PTPRD: variants seen among roughly 807,000 people sequenced by gnomAD.
PTPRD encodes receptor-type tyrosine-protein phosphatase delta.
In PTPRD, 34 loss-of-function variants were observed where a neutral mutation model predicts 214.5. The observed-to-expected ratio is 0.16, with a 90% confidence interval of 0.12 to 0.21. The LOEUF (loss-of-function observed/expected upper bound fraction) is 0.21, where lower values mean the gene tolerates loss of function less well. Ranked by LOEUF, PTPRD falls within the 10% of genes least tolerant of loss-of-function variation. The pLI, the probability that PTPRD is intolerant of heterozygous loss-of-function variation, is 1.00. For synonymous variants in PTPRD, 1,128 were observed against 845.7 expected, an observed-to-expected ratio of 1.33 and a Z score of -5.79; for missense variants, 2,545 against 2,398.7, an observed-to-expected ratio of 1.06 and a Z score of -1.27.
chr9:9,771,171 T>C (rs1322246388), intron 5 of PTPRD, among the ~76,000 whole-genome samples: 1 of 152,178 alleles, frequency 6.6e-6, no homozygotes, highest in Non-Finnish European at 1.5e-5. Context: ...CCCACCTTTA[T>C]TAACTATTAG....
At chr9:9,437,669 A>T (rs2085866753) in intron 8 of PTPRD, among the ~76,000 whole-genome samples, 1 of 152,144 alleles carries the variant, frequency 6.6e-6, no homozygotes, top group African/African-American at 2.4e-5. Context: ...CACATTAAAG[A>T]TAAACAGATT....
intron 11 of PTPRD, among the ~76,000 whole-genome samples, chr9:8,781,923 T>C (rs985018933): frequency 2.0e-5 from 3 of 152,150 alleles, no homozygotes; most frequent in African/African-American, 4.8e-5. Context: ...TAAGACATTC[T>C]AGTAAATCAA....
intron 10 of PTPRD, among the ~76,000 whole-genome samples, chr9:9,163,079 T>A (rs2099893638): frequency 6.6e-6 from 1 of 152,122 alleles, no homozygotes. Flanking sequence ...AAAATATTGA[T>A]GACCTTCAAG....
chr9:9,438,092 G>A (rs2086056659), intron 8 of PTPRD, among the ~76,000 whole-genome samples: 1 of 152,040 alleles, frequency 6.6e-6, no homozygotes, highest in Admixed American at 6.6e-5. Flanking sequence ...GTATCCTAAT[G>A]TCCTCTTCTC....
intron 5 of PTPRD, among the ~76,000 whole-genome samples, chr9:9,787,759 T>C (rs1386286879): frequency 6.9e-6 from 1 of 145,882 alleles, no homozygotes. Flanking sequence ...GAACAACGTA[T>C]ATCAATTTTT....
At chr9:9,410,481 C>T (rs1569568081) in intron 8 of PTPRD, among the ~76,000 whole-genome samples, 1 of 152,154 alleles carries the variant, frequency 6.6e-6, no homozygotes, top group Non-Finnish European at 1.5e-5. Flanking sequence ...CACAGAAATA[C>T]ACAAGCATTC....
Position 8,316,280 on chromosome 9 carries a change from G to C in PTPRD, c.*1594C>G, listed in dbSNP as rs1343985354. 2 of 230,550 alleles carry C rather than the reference G, an allele frequency of 8.7e-6. No individual in the cohort carries two copies. Among genetic ancestry groups the C allele is most frequent in the African/African-American group, 2.2e-5 (1 of 45,118 alleles). 14.3% of individuals were successfully genotyped at this position (230,550 alleles called of 1,614,324 possible). ...TAATAGAAAGTAACAGATACGAACA[G>C]TGAATGGAAATACGAACCAAAAGCT... On this transcript the variant is annotated 3_prime_UTR_variant, in exon 46 of 46. Transcript: ENST00000381196.
In PTPRD at chr9:8,633,342, T is replaced by A. The variant is rs2154320313; in HGVS notation, c.327A>T (p.Val109=). Residue 109 remains valine, a synonymous_variant, in exon 14 of 46, where the codon GTA becomes GTT. Transcript: ENST00000381196. ...CCCGCAAAACTGTGAGTCTGGTGGA[T>A]ACACTTATTTCTCCCACATTATTTG... ...VASNNVGEIS[V]STRLTVLRED... 1.9e-6 allele frequency: 3 copies of A among 1,612,584 alleles called. No individual in the cohort carries two copies. The highest frequency in any genetic ancestry group is 2.5e-6 in the Non-Finnish European group (3 of 1,178,980).
intron 9 of PTPRD, among the ~76,000 whole-genome samples, chr9:9,369,827 A>G (rs949757112): frequency 6.6e-6 from 1 of 152,150 alleles, no homozygotes; most frequent in Non-Finnish European, 1.5e-5. Flanking sequence ...CTTTCTACAT[A>G]TGGCTAGCCA....
intron 3 of PTPRD, among the ~76,000 whole-genome samples, chr9:10,098,382 T>C (rs967137396): frequency 6.6e-6 from 1 of 150,474 alleles, no homozygotes; most frequent in Non-Finnish European, 1.5e-5. Flanking sequence ...TTAGGAGATA[T>C]ACCTAATGCT....
intron 11 of PTPRD, among the ~76,000 whole-genome samples, chr9:8,737,357 T>C (rs891953018): frequency 2.0e-5 from 3 of 152,140 alleles, no homozygotes; most frequent in Non-Finnish European, 2.9e-5. Flanking sequence ...CACAGCAACA[T>C]TGCCAAAAGG....
chr9:9,108,985 C>A (rs577041038), intron 10 of PTPRD, among the ~76,000 whole-genome samples: 1 of 152,304 alleles, frequency 6.6e-6, no homozygotes, highest in Non-Finnish European at 1.5e-5. Context: ...CTCTCCCCCA[C>A]TCTTTGCAAA....
chr9:9,572,648 A>T (rs937533953), intron 8 of PTPRD, among the ~76,000 whole-genome samples: 1 of 148,372 alleles, frequency 6.7e-6, no homozygotes, highest in Non-Finnish European at 1.5e-5. Context: ...TTATGTATAA[A>T]CATAACCCGA....
In PTPRD at chr9:8,654,595, T is replaced by C. The variant is rs560082676; in HGVS notation, c.65-17751A>G. Among the ~76,000 whole-genome samples the C allele has an allele frequency of 1.2e-3, 184 of 152,288 alleles. 1 individual carries two copies. The highest frequency in any genetic ancestry group is 4.3e-3 in the African/African-American group (178 of 41,572). ...ATCATTATATATACATGTAAGCCAG[T>C]GTAAAAAAGATACATACAAAGATTA... On this transcript the variant is annotated intron_variant, in intron 12 of 45. Coordinates refer to ENST00000381196, the MANE Select transcript of PTPRD (RefSeq NM_002839.4).
intron 4 of PTPRD, among the ~76,000 whole-genome samples, chr9:9,983,568 G>C (rs1218426236): frequency 2.0e-5 from 3 of 152,184 alleles, no homozygotes; most frequent in Non-Finnish European, 4.4e-5. Context: ...CCATTAGGCA[G>C]CTATTTCTTT....
intron 14 of PTPRD, among the ~76,000 whole-genome samples, chr9:8,605,625 T>C (rs1465278750): frequency 6.6e-6 from 1 of 152,174 alleles, no homozygotes; most frequent in African/African-American, 2.4e-5. Flanking sequence ...ATAGGGATAA[T>C]ATAAAACTTT....
intron 9 of PTPRD, among the ~76,000 whole-genome samples, chr9:9,225,195 C>T (rs1325561443): frequency 6.6e-6 from 1 of 151,884 alleles, no homozygotes; most frequent in South Asian, 2.1e-4. Context: ...TGGAACTTTC[C>T]AGAATCATTG....
chr9:9,901,204 T>C (rs1387056722), intron 5 of PTPRD, among the ~76,000 whole-genome samples: 7 of 152,182 alleles, frequency 4.6e-5, no homozygotes, highest in African/African-American at 1.7e-4. Flanking sequence ...GACTAGCCTT[T>C]AGCAGCCACT....
chr9:8,553,576 T>A (rs1050182378), intron 14 of PTPRD, among the ~76,000 whole-genome samples: 2 of 152,152 alleles, frequency 1.3e-5, no homozygotes, highest in Non-Finnish European at 2.9e-5. Flanking sequence ...ATACGAAAGC[T>A]ATAGAAAAGA....
Sources: allele counts gnomAD v4.1 joint callset (sites outside exome capture counted in the v4.1 genomes callset), GRCh38; gene constraint gnomAD v4.1.1; transcripts MANE v1.5; gene names NCBI Gene and HGNC (gene_info 2026-07-23, HGNC 2026-07-21).